Variants in CKLF observed in about 807,000 individuals in gnomAD.
The protein encoded by CKLF is chemokine like factor.
CKLF carries 16 observed loss-of-function variants against 12.9 expected under a neutral mutation model. That is an observed-to-expected ratio of 1.24 (90% CI 0.84 to 1.88). CKLF has a LOEUF of 1.88. Ranked by LOEUF, CKLF falls within the 40% of genes most tolerant of loss-of-function variation. The pLI, the probability that CKLF is intolerant of heterozygous loss-of-function variation, is 0.00. For synonymous variants in CKLF, 61 were observed against 69.0 expected, an observed-to-expected ratio of 0.88 and a Z score of 0.57; for missense variants, 172 against 188.5, an observed-to-expected ratio of 0.91 and a Z score of 0.51.
chr16:66,564,241 T>G (rs1034943684), intron 3 of CKLF, among the ~76,000 whole-genome samples: 3 of 152,192 alleles, frequency 2.0e-5, no homozygotes, highest in Non-Finnish European at 4.4e-5. Flanking sequence ...TGCTATTCAG[T>G]ATAGTAACCA....
chr16:66,555,739 C>T (rs965408698), intron 1 of CKLF, among the ~76,000 whole-genome samples: 2 of 152,068 alleles, frequency 1.3e-5, no homozygotes, highest in African/African-American at 2.4e-5. Context: ...TGAAGAAATG[C>T]GTAAACAAAT....
At chr16:66,552,839 G>A (rs944561394) in intron 1 of CKLF, 46 bp downstream of exon 1, 1 of 1,613,470 alleles carries the variant, frequency 6.2e-7, no homozygotes, top group African/African-American at 1.3e-5. Context: ...AGCTGCTGGG[G>A]GGCGGGAGAT....
At chr16:66,558,166 A>T (rs1313997933) in intron 1 of CKLF, 24 bp from the exon 2 acceptor site, 3 of 1,602,412 alleles carry the variant, frequency 1.9e-6, no homozygotes, top group Non-Finnish European at 2.5e-6. Flanking sequence ...GTCACTGAAT[A>T]AATCGTGGGT....
chr16:66,560,192 G>T (rs2011616140), intron 2 of CKLF, among the ~76,000 whole-genome samples: 1 of 152,172 alleles, frequency 6.6e-6, no homozygotes, highest in African/African-American at 2.4e-5. Flanking sequence ...ATATGTGAGG[G>T]TCTAGGTGGA....
chr16:66,558,192 A>T lies in CKLF; in HGVS notation c.81A>T (p.Ala27=). The change falls in exon 2 of 4, where the codon GCA becomes GCT. Residue 27 remains alanine, a splice_region_variant and synonymous_variant. Transcript: ENST00000264001. ...VKGHVKMLRL[A]LTVTSMTFFI... Reference sequence around the variant, plus strand: ...AATCGTGGGTTTTTTTCTTCTAGGCACTAACTGTGACATCTATGACCTTTT... The same window carrying T: ...AATCGTGGGTTTTTTTCTTCTAGGCTCTAACTGTGACATCTATGACCTTTT... 6.2e-7 allele frequency: 1 copy of T among 1,610,076 alleles called. No individual in the cohort carries two copies. The highest frequency in any genetic ancestry group is 1.3e-5 in the African/African-American group (1 of 74,722).
chr16:66,563,346 C>G (rs1424265157), intron 3 of CKLF, 129 bp downstream of exon 3: 4 of 1,067,148 alleles, frequency 3.7e-6, no homozygotes, highest in Non-Finnish European at 4.0e-6. Context: ...TATACAATGC[C>G]TAGTGGCTTA....
intron 2 of CKLF, among the ~76,000 whole-genome samples, chr16:66,560,424 A>G (rs2011629733): frequency 6.6e-6 from 1 of 152,182 alleles, no homozygotes; most frequent in Non-Finnish European, 1.5e-5. Context: ...TTGAGAGGAT[A>G]CTGAGAGAGG....
At position 66,563,127 on chromosome 16, in the gene CKLF, T is replaced by C; in HGVS notation, c.243T>C (p.Ile81=). The change falls in exon 3 of 4, where the codon ATT becomes ATC. Residue 81 remains isoleucine (I), a synonymous_variant. Transcript: ENST00000264001. ...MKWLFWPLLD[I]INSLVTTVFM... ...GCTTTATTGTGTGTTTTTAGGATAT[T>C]ATCAACTCACTGGTAACAACAGTAT... 4 of 1,614,158 alleles carry C rather than the reference T, an allele frequency of 2.5e-6. No individual in the cohort carries two copies. The highest frequency in any genetic ancestry group is 3.4e-6 in the Non-Finnish European group (4 of 1,180,022).
At chr16:66,560,988 T>C (rs1182052578) in intron 2 of CKLF, among the ~76,000 whole-genome samples, 1 of 151,592 alleles carries the variant, frequency 6.6e-6, no homozygotes, top group Non-Finnish European at 1.5e-5. Flanking sequence ...CAGGGACAAA[T>C]AAAAGTAATG....
chr16:66,554,790 T>A lies in CKLF; in HGVS notation c.78+1997T>A, dbSNP rs564616935. ...TATGAGAATACCTGGAAGAAGAGTG[T>A]TTGAAGCAGAGAAAATCCAGTGCAG... is the stretch of plus-strand genomic sequence containing the variant. On this transcript the variant is annotated intron_variant, in intron 1 of 3. Transcript: ENST00000264001. 3.9e-5 allele frequency among the ~76,000 whole-genome samples: 6 copies of A among 152,250 alleles called. No homozygotes were observed. In the East Asian group the frequency reaches 1.2e-3, roughly 29 times the overall value.
At chr16:66,563,780 C>T (rs990536246) in intron 3 of CKLF, among the ~76,000 whole-genome samples, 2 of 152,188 alleles carry the variant, frequency 1.3e-5, no homozygotes, top group Admixed American at 1.3e-4. Flanking sequence ...AGACCTCATC[C>T]TAGAAAGCAA....
intron 1 of CKLF, among the ~76,000 whole-genome samples, chr16:66,554,283 G>A (rs1336877788): frequency 6.6e-6 from 1 of 152,232 alleles, no homozygotes; most frequent in Admixed American, 6.5e-5. Flanking sequence ...ATAAGATGGA[G>A]ATAGAACACA....
At position 66,558,260 on chromosome 16, in the gene CKLF, G is replaced by T; in HGVS notation, c.149G>T (p.Gly50Val). 1 of 1,613,844 alleles carries T rather than the reference G, an allele frequency of 6.2e-7. No individual in the cohort carries two copies. Among genetic ancestry groups the T allele is most frequent in the Non-Finnish European group, 8.5e-7 (1 of 1,179,984 alleles). ...QAPEPYIVITGFEVTVILFFI... is the reference protein window; with the variant it reads ...QAPEPYIVITVFEVTVILFFI... ...CCTGAACCATATATTGTTATCACTGGATTTGAAGTCACCGTTATCTTATTT... is the reference window on the plus strand; with the variant it reads ...CCTGAACCATATATTGTTATCACTGTATTTGAAGTCACCGTTATCTTATTT... The change falls in exon 2 of 4, where the codon GGA becomes GTA. Residue 50 changes from glycine to valine, a missense_variant. Coordinates refer to ENST00000264001, the MANE Select transcript of CKLF (RefSeq NM_016951.4).
At position 66,552,666 on chromosome 16, in the gene CKLF, C is replaced by T. The variant is rs1479003827; in HGVS notation, c.-50C>T. On this transcript the variant is annotated 5_prime_UTR_variant, in exon 1 of 4. Coordinates refer to ENST00000264001, the MANE Select transcript of CKLF (RefSeq NM_016951.4). ...CGCTTCGCAGAACCTACTCAGGCAG[C>T]CAGCTGAGAAGAGTTGAGGGAAAGT... is the stretch of plus-strand genomic sequence containing the variant. 1 of 1,613,240 alleles carries T rather than the reference C, an allele frequency of 6.2e-7. No individual in the cohort carries two copies. The highest frequency in any genetic ancestry group is 2.2e-5 in the East Asian group (1 of 44,866).
chr16:66,564,231 T>C (rs1439087041), intron 3 of CKLF, among the ~76,000 whole-genome samples: 1 of 152,228 alleles, frequency 6.6e-6, no homozygotes. Context: ...TATAGAGCTG[T>C]GCTATTCAGT....
intron 1 of CKLF, among the ~76,000 whole-genome samples, chr16:66,553,155 C>T (rs903501083): frequency 2.0e-5 from 3 of 151,086 alleles, no homozygotes; most frequent in Non-Finnish European, 2.9e-5. Context: ...GAGGTCCTGC[C>T]TCTTTAAAAA....
Position 66,558,222 on chromosome 16 carries a change from C to T in CKLF, c.111C>T (p.Ile37=). 1 of 1,611,880 alleles carries T rather than the reference C, an allele frequency of 6.2e-7. No homozygotes were observed. Among genetic ancestry groups the T allele is most frequent in the Non-Finnish European group, 8.5e-7 (1 of 1,179,554 alleles). The change falls in exon 2 of 4, where the codon ATC becomes ATT. Residue 37 remains isoleucine (I), a synonymous_variant. Coordinates refer to ENST00000264001, the MANE Select transcript of CKLF (RefSeq NM_016951.4). ...ALTVTSMTFF[I]IAQAPEPYIV... ...CTGTGACATCTATGACCTTTTTTAT[C>T]ATCGCACAAGCCCCTGAACCATATA...
In CKLF at chr16:66,556,640, C is replaced by G. The variant is rs1434419556; in HGVS notation, c.79-1550C>G. Among the ~76,000 whole-genome samples, 4 of 152,108 alleles carry G rather than the reference C, an allele frequency of 2.6e-5. No homozygotes were observed. In the East Asian group the frequency reaches 7.7e-4, roughly 29 times the overall value. On this transcript the variant is annotated intron_variant, in intron 1 of 3. Transcript: ENST00000264001. ...TAATCTGTGGGCTGAAGACCTTGGT[C>G]CAATAGAGTAATTGGAGTAGTTTGA...
chr16:66,554,534 C>T (rs2144518451), intron 1 of CKLF, among the ~76,000 whole-genome samples: 1 of 152,278 alleles, frequency 6.6e-6, no homozygotes, highest in Admixed American at 6.5e-5. Context: ...AAACAAAGAT[C>T]CCTGCCCTCG....
Sources: gnomAD v4.1 joint callset for allele counts (sites outside exome capture counted in the v4.1 genomes callset) on GRCh38, gnomAD v4.1.1 for gene constraint, MANE v1.5 for transcripts, NCBI Gene and HGNC (gene_info 2026-07-23, HGNC 2026-07-21) for gene names.